CASP1: variants seen among roughly 807,000 people sequenced by gnomAD.
CASP1 encodes the protein caspase-1.
In CASP1, 31 loss-of-function variants were observed where a neutral mutation model predicts 41.2. The ratio of observed to expected loss-of-function variants is 0.75; its 90% CI spans 0.57 to 1.02. CASP1 has a LOEUF of 1.02. Among genes scored for constraint, CASP1 ranks in the 50% least tolerant of loss-of-function variants. The pLI, the probability that CASP1 is intolerant of heterozygous loss-of-function variation, is 0.00. For missense variants in CASP1, 490 were observed against 495.7 expected (o/e 0.99, Z 0.11); for synonymous variants, 163 against 166.5 (o/e 0.98, Z 0.16).
upstream of CASP1, chr11:105,035,332 G>T (rs1863959067): frequency 5.1e-6 from 3 of 592,234 alleles, no homozygotes. Context: ...GGGTAGGAGG[G>T]GAATGGGGCT....
At chr11:105,034,565 T>C (rs1440347438) in intron 1 of CASP1, 91 bp from the exon 2 acceptor site, 6 of 1,568,250 alleles carry the variant, frequency 3.8e-6, no homozygotes, top group Admixed American at 1.8e-5. Context: ...TTAGATTTCA[T>C]CAGTGAAATG....
chr11:105,035,322 G>A, upstream of CASP1: 1 of 615,448 alleles, frequency 1.6e-6, no homozygotes, highest in Non-Finnish European at 2.9e-6. Flanking sequence ...GGATAGATCA[G>A]GGTAGGAGGG....
At chr11:105,036,594 C>G (rs534333787), upstream of CASP1, among the ~76,000 whole-genome samples, 1 of 152,130 alleles carries the variant, frequency 6.6e-6, no homozygotes, top group Non-Finnish European at 1.5e-5. Flanking sequence ...TGCTCATACC[C>G]TCTTGCCTGC....
chr11:105,026,883 C>G lies in CASP1; in HGVS notation c.1075G>C (p.Glu359Gln), dbSNP rs1484368977. ...TCCACATCACAGGAACAGGCATATT[C>G]TTGCATATGTTCAATGAGTCTTCCA... The part of the protein sequence containing the change: ...FIGRLIEHMQ[E>Q]YACSCDVEEI... The change falls in exon 8 of 9, where the codon GAA becomes CAA. Residue 359 changes from glutamate (E) to glutamine (Q), a missense_variant. Glu to Gln is a conservative substitution (Grantham distance 29, BLOSUM62 2). Transcript: ENST00000533400. 1.2e-6 allele frequency: 2 copies of G among 1,611,126 alleles called. No individual in the cohort carries two copies. The highest frequency in any genetic ancestry group is 1.7e-6 in the Non-Finnish European group (2 of 1,177,450).
chr11:105,033,061 T>C lies in CASP1; in HGVS notation c.337+3A>G. The C allele has an allele frequency of 5.1e-6, 8 of 1,556,248 alleles. No homozygotes were observed. Among genetic ancestry groups the C allele is most frequent in the South Asian group, 1.1e-5 (1 of 89,292 alleles). On this transcript the variant is annotated splice_donor_region_variant and intron_variant, in intron 3 of 8. Coordinates refer to ENST00000533400, the MANE Select transcript of CASP1 (RefSeq NM_001257118.3). ...AATGCTCTTCCTTTAAAAACAGCAT[T>C]ACCTGGAAAGGAAGAAAGTACTCCT...
rs541150316 is a variant in CASP1, at chr11:105,031,196, G to A, written c.422C>T (p.Ala141Val). Residue 141 changes from alanine to valine, a missense_variant, in exon 4 of 9, where the codon GCT (alanine) becomes GTT (valine). Ala to Val is a moderately conservative substitution (Grantham distance 64). Coordinates refer to ENST00000533400, the MANE Select transcript of CASP1 (RefSeq NM_001257118.3). ...CGACTTTTGTTTCCATATCCTTTGAGCTTCTTCTAGGGAGCAAAGCTTGAC... is the reference window on the plus strand; with the variant it reads ...CGACTTTTGTTTCCATATCCTTTGAACTTCTTCTAGGGAGCAAAGCTTGAC... ...GNVKLCSLEE[A>V]QRIWKQKSAE... The A allele has an allele frequency of 1.2e-6, 2 of 1,612,228 alleles. No homozygotes were observed. Among genetic ancestry groups the A allele is most frequent in the African/African-American group, 2.7e-5 (2 of 74,818 alleles).
At position 105,029,093 on chromosome 11, in the gene CASP1, A is replaced by G. The variant is rs777795256; in HGVS notation, c.1006+31T>C. ...TGTCACTTTTTCTATTGATAGCCCC[A>G]ACAAAGATGTCCTGTGTAGAAACCT... On this transcript the variant is annotated intron_variant, in intron 7 of 8. Transcript: ENST00000533400. 4.4e-6 allele frequency: 7 copies of G among 1,599,852 alleles called. No homozygotes were observed. The South Asian group carries it at 7.9e-5, about 18-fold the overall frequency.
At chr11:105,026,535 C>A (rs1863299274) in intron 8 of CASP1, 179 bp from the exon 9 acceptor site, 2 of 602,578 alleles carry the variant, frequency 3.3e-6, no homozygotes, top group South Asian at 2.0e-5. Flanking sequence ...TGACCCTCCT[C>A]AGGGCATTTT....
rs1385417872 is a variant in CASP1, at chr11:105,032,943, A to G, written c.337+121T>C. ...CAAAAGCAGAATAGATTACAAAAAG[A>G]AAATTATATGACCAATCTATGAGAA... On this transcript the variant is annotated intron_variant, in intron 3 of 8. Transcript: ENST00000533400. 7.7e-6 allele frequency: 5 copies of G among 648,522 alleles called. No homozygotes were observed. In the East Asian group the frequency reaches 1.2e-4, roughly 15 times the overall value. The allele number at this position is 648,522 out of a possible 1,614,324, so 40.2% of individuals were successfully genotyped here. A position where few individuals can be genotyped will look rare whatever the true frequency, so the allele number is the denominator to read the frequency against.
chr11:105,034,835 T>A (rs1461095367), intron 1 of CASP1: 12 of 603,820 alleles, frequency 2.0e-5, no homozygotes, highest in Non-Finnish European at 3.5e-5. Flanking sequence ...TTCTGTACCC[T>A]CTGTCAGACT....
In CASP1 at chr11:105,030,834, C is replaced by T. The variant is rs7115949; in HGVS notation, c.453+331G>A. ...CTTTGGGAAAAATATTTAACAATCC[C>T]GTCTCAGCTTCTTGATCTCTAAAAT... On this transcript the variant is annotated intron_variant, in intron 4 of 8. Transcript: ENST00000533400. 2.6e-3 allele frequency: 909 copies of T among 344,918 alleles called. 5 individuals are homozygous for T. The highest frequency in any genetic ancestry group is 0.015 in the African/African-American group (733 of 47,364). The allele number at this position is 344,918 out of a possible 1,614,324, so 21.4% of individuals were successfully genotyped here.
In CASP1 at chr11:105,031,202, T is replaced by C. The variant is rs1305070787; in HGVS notation, c.416A>G (p.Glu139Gly). 7 of 1,612,696 alleles carry C rather than the reference T, an allele frequency of 4.3e-6. No homozygotes were observed. Among genetic ancestry groups the C allele is most frequent in the Non-Finnish European group, 5.1e-6 (6 of 1,179,124 alleles). ...SEGNVKLCSL[E>G]EAQRIWKQKS... ...TTGTTTCCATATCCTTTGAGCTTCT[T>C]CTAGGGAGCAAAGCTTGACATTCCC... is the stretch of plus-strand genomic sequence containing the variant. Residue 139 changes from glutamate (E) to glycine (G), a missense_variant, in exon 4 of 9, where the codon GAA becomes GGA. Physicochemically the swap from Glu to Gly is moderately conservative, Grantham distance 98. Transcript: ENST00000533400.
intron 7 of CASP1, 130 bp from the exon 8 acceptor site, chr11:105,027,081 G>T: frequency 1.4e-6 from 1 of 708,558 alleles, no homozygotes; most frequent in Admixed American, 2.0e-5. Context: ...GGAAAAGGCG[G>T]AATGGGGTAG....
In CASP1 at chr11:105,025,690, A is replaced by T. The variant is rs1863228259; in HGVS notation, c.*568T>A. The T allele has an allele frequency of 2.0e-5, 7 of 356,398 alleles. No individual in the cohort carries two copies. The highest frequency in any genetic ancestry group is 1.5e-4 in the South Asian group (7 of 45,908). 22.1% of individuals were successfully genotyped at this position (356,398 alleles called of 1,614,324 possible). ...TTATAAAGTTATACCACCAATGGGA[A>T]CATACACAATTTTAAAAGGAAAGAC... On this transcript the variant is annotated 3_prime_UTR_variant, in exon 9 of 9. Transcript: ENST00000533400.
chr11:105,026,185 C>T lies in CASP1; in HGVS notation c.*73G>A, dbSNP rs543112326. ...TTGACTCAAATGGACTTTCAGTACC[C>T]TTTCCTCAACCTTCCCACACTCCCG... On this transcript the variant is annotated 3_prime_UTR_variant, in exon 9 of 9. Coordinates refer to ENST00000533400, the MANE Select transcript of CASP1 (RefSeq NM_001257118.3). 9.4e-6 allele frequency: 9 copies of T among 954,076 alleles called. No homozygotes were observed. The highest frequency in any genetic ancestry group is 1.4e-5 in the South Asian group (1 of 71,654). 59.1% of individuals were successfully genotyped at this position (954,076 alleles called of 1,614,324 possible). A position where few individuals can be genotyped will look rare whatever the true frequency, so the allele number is the denominator to read the frequency against.
chr11:105,029,751 T>C lies in CASP1; in HGVS notation c.776A>G (p.Asn259Ser). 1.9e-6 allele frequency: 3 copies of C among 1,613,654 alleles called. No homozygotes were observed. The highest frequency in any genetic ancestry group is 2.2e-5 in the South Asian group (2 of 91,082). ...SEQVPDILQL[N>S]AIFNMLNTKN... ...GGTATTCAACATGTTAAAGATTGCATTGAGTTGTAGTATATCTGGGACTTG... is the reference window on the plus strand; with the variant it reads ...GGTATTCAACATGTTAAAGATTGCACTGAGTTGTAGTATATCTGGGACTTG... Residue 259 changes from asparagine (N) to serine (S), a missense_variant, in exon 6 of 9, where the codon AAT becomes AGT. Physicochemically the swap from Asn to Ser is conservative, Grantham distance 46 (BLOSUM62 1). Transcript: ENST00000533400.
chr11:105,029,237 G>C lies in CASP1; in HGVS notation c.893C>G (p.Ser298Ter), dbSNP rs747601933. Residue 298 changes from serine (S) to a stop codon, truncating the protein, a stop_gained, in exon 7 of 9, where the codon TCA (serine) becomes TGA (stop). Transcript: ENST00000533400. LOFTEE classifies it high-confidence loss of function. ...AGATAGGTTTCCAGAAACTCCTACT[G>C]AATCTTTAAACCACACCACACCAGG... ...DSPGVVWFKD[S>*]VGVSGNLSLP... 3.1e-6 allele frequency: 5 copies of C among 1,612,886 alleles called. No individual in the cohort carries two copies. In the Admixed American group the frequency reaches 8.4e-5, roughly 27 times the overall value.
At chr11:105,035,616 C>CTTTT (rs770202897), upstream of CASP1, among the ~76,000 whole-genome samples, 10 of 52,072 alleles carry the variant, frequency 1.9e-4, 1 homozygote, top group African/African-American at 4.5e-4. Flanking sequence ...TTTTTTCTTT[C>CTTTT]TGTTTTTTTT....
chr11:105,034,589 A>G (rs536909), intron 1 of CASP1, 115 bp from the exon 2 acceptor site: 242,862 of 1,513,216 alleles, frequency 0.16, 11,995 homozygotes, highest in Admixed American at 0.28. Flanking sequence ...CCCTCCTCAC[A>G]GTTGGGTAAT....
Sources: allele counts gnomAD v4.1 joint callset (sites outside exome capture counted in the v4.1 genomes callset), GRCh38; gene constraint gnomAD v4.1.1; transcripts MANE v1.5; gene names NCBI Gene and HGNC (gene_info 2026-07-23, HGNC 2026-07-21).